The following CLIP4 variants were observed in gnomAD, a reference collection of about 807,000 sequenced individuals.
The protein encoded by CLIP4 is CAP-Gly domain-containing linker protein 4.
A neutral mutation model predicts 73.1 loss-of-function variants in CLIP4; 47 were observed. The ratio of observed to expected loss-of-function variants is 0.64; its 90% CI spans 0.51 to 0.82. CLIP4 has a LOEUF of 0.82. CLIP4 is among the 40% of genes least tolerant of loss of function. The pLI, the probability that CLIP4 is intolerant of heterozygous loss-of-function variation, is 0.00. For missense variants in CLIP4, 874 were observed against 852.9 expected (o/e 1.02, Z -0.31); for synonymous variants, 306 against 295.4 (o/e 1.04, Z -0.37).
At chr2:29,164,777 C>A (rs1222870418) in intron 13 of CLIP4, among the ~76,000 whole-genome samples, 1 of 152,148 alleles carries the variant, frequency 6.6e-6, no homozygotes, top group Non-Finnish European at 1.5e-5. Flanking sequence ...AGTTTTACAT[C>A]CATTTCTCCC....
In CLIP4 at chr2:29,121,507, T is replaced by C; in HGVS notation, c.119T>C (p.Met40Thr). The C allele has an allele frequency of 1.2e-6, 2 of 1,613,686 alleles. No homozygotes were observed. Among genetic ancestry groups the C allele is most frequent in the South Asian group, 1.1e-5 (1 of 91,028 alleles). ...ATCTTTTCCATTTCTGCAGCACCAA[T>C]GCCTTCAGACTGTGGTATGTGAAGT... is the stretch of plus-strand genomic sequence containing the variant. The part of the protein sequence containing the change: ...PVIFSISAAP[M>T]PSDCEFSFFD... The change falls in exon 2 of 16, where the codon ATG (methionine) becomes ACG (threonine). Residue 40 changes from methionine to threonine, a missense_variant. Physicochemically the swap from Met to Thr is moderately conservative, Grantham distance 81. Coordinates refer to ENST00000320081, the MANE Select transcript of CLIP4 (RefSeq NM_024692.6).
At chr2:29,151,832 A>G (rs1331482791) in intron 8 of CLIP4, among the ~76,000 whole-genome samples, 1 of 152,054 alleles carries the variant, frequency 6.6e-6, no homozygotes, top group African/African-American at 2.4e-5. Flanking sequence ...TATAGTCTGT[A>G]TTCACTATCT....
chr2:29,121,359 T>TC lies in CLIP4; in HGVS notation c.-15-14dup. 6.4e-7 allele frequency: 1 copy of TC among 1,573,186 alleles called. No homozygotes were observed. The highest frequency in any genetic ancestry group is 8.6e-7 in the Non-Finnish European group (1 of 1,166,834). ...AAATAAAGTAGAAACACTTTTTTTTTCTTTCTTATTATAGGTGGCTTTCTA... is the reference window on the plus strand; with the variant it reads ...AAATAAAGTAGAAACACTTTTTTTTTCCTTTCTTATTATAGGTGGCTTTCTA... On this transcript the variant is annotated splice_polypyrimidine_tract_variant and intron_variant, in intron 1 of 15. Transcript: ENST00000320081.
Position 29,132,185 on chromosome 2 carries a change from G to A in CLIP4, c.307G>A (p.Asp103Asn), listed in dbSNP as rs949776287. 2 of 1,613,756 alleles carry A rather than the reference G, an allele frequency of 1.2e-6. No homozygotes were observed. The highest frequency in any genetic ancestry group is 1.7e-6 in the Non-Finnish European group (2 of 1,179,856). ...GAGAGGTTGCAATGTGAATGATAGA[G>A]ATGGATTGACAGATATGACTCTTTT... ...LKRGCNVNDR[D>N]GLTDMTLLHY... Residue 103 changes from aspartate to asparagine, a missense_variant, in exon 4 of 16, where the codon GAT (aspartate) becomes AAT (asparagine). Asp to Asn is a conservative substitution (Grantham distance 23). Transcript: ENST00000320081.
intron 2 of CLIP4, among the ~76,000 whole-genome samples, chr2:29,124,879 G>T (rs1267254855): frequency 6.6e-6 from 1 of 152,060 alleles, no homozygotes; most frequent in East Asian, 1.9e-4. Context: ...TAATATCCAT[G>T]TCAACTCTAG....
chr2:29,156,377 A>G lies in CLIP4; in HGVS notation c.1189A>G (p.Ser397Gly). The change falls in exon 10 of 16, where the codon AGT (serine) becomes GGT (glycine). Residue 397 changes from serine (S) to glycine (G), a missense_variant. By Grantham distance (56) the Ser-to-Gly change is moderately conservative. Coordinates refer to ENST00000320081, the MANE Select transcript of CLIP4 (RefSeq NM_024692.6). ...NTGLMTSKKD[S>G]ASESTLSLPP... ...AGGATTAATGACATCAAAAAAAGAT[A>G]GTGCTTCTGAGTCAACACTTTCATT... The G allele has an allele frequency of 6.3e-7, 1 of 1,579,966 alleles. No homozygotes were observed. Among genetic ancestry groups the G allele is most frequent in the Non-Finnish European group, 8.5e-7 (1 of 1,171,506 alleles).
intron 6 of CLIP4, among the ~76,000 whole-genome samples, chr2:29,141,589 C>T (rs1454225929): frequency 1.3e-5 from 2 of 152,050 alleles, no homozygotes; most frequent in Admixed American, 6.6e-5. Flanking sequence ...CTACTTTGTC[C>T]CTCTTGACTG....
rs756452242 is a variant in CLIP4, at chr2:29,160,473, T to G, written c.1534+6T>G. On this transcript the variant is annotated splice_donor_region_variant and intron_variant, in intron 12 of 15. Transcript: ENST00000320081. ...GACAACAAACTTCGCTCCAGGTAAC[T>G]CATCTGCATATTTTCTTAACTTGAA... 1.4e-5 allele frequency: 23 copies of G among 1,613,464 alleles called. 1 individual carries two copies. The South Asian group carries it at 2.4e-4, about 17-fold the overall frequency.
intron 1 of CLIP4, among the ~76,000 whole-genome samples, chr2:29,099,318 A>G (rs1250777530): frequency 6.6e-6 from 1 of 152,232 alleles, no homozygotes; most frequent in East Asian, 1.9e-4. Flanking sequence ...TCTTCTAGAT[A>G]GATGTTTTAT....
At chr2:29,138,043 C>T (rs994916932) in intron 6 of CLIP4, among the ~76,000 whole-genome samples, 1 of 152,066 alleles carries the variant, frequency 6.6e-6, no homozygotes, top group African/African-American at 2.4e-5. Context: ...GTTTTTGTTG[C>T]CTTCGCTTTT....
chr2:29,132,376 G>A, intron 4 of CLIP4, 131 bp downstream of exon 4: 1 of 728,806 alleles, frequency 1.4e-6, no homozygotes, highest in Non-Finnish European at 2.3e-6. Flanking sequence ...GAAGAGCTGA[G>A]GATTCAGTTA....
At position 29,183,530 on chromosome 2, in the gene CLIP4, T is replaced by C. The variant is rs1162771366; in HGVS notation, c.*1637T>C. On this transcript the variant is annotated 3_prime_UTR_variant, in exon 16 of 16. Transcript: ENST00000320081. ...ACTCTATTTATACCTTAACATGAAATCCATGACCACACCAAACTTGGTTAT... is the reference window on the plus strand; with the variant it reads ...ACTCTATTTATACCTTAACATGAAACCCATGACCACACCAAACTTGGTTAT... 2 of 152,658 alleles carry C rather than the reference T, an allele frequency of 1.3e-5. No homozygotes were observed. Among genetic ancestry groups the C allele is most frequent in the Non-Finnish European group, 2.9e-5 (2 of 68,028 alleles). 9.5% of individuals were successfully genotyped at this position (152,658 alleles called of 1,614,324 possible).
At chr2:29,121,560 AACTTG>A (rs958245137) in intron 2 of CLIP4, 39 bp downstream of exon 2, 15 of 1,604,938 alleles carry the variant, frequency 9.3e-6, no homozygotes, top group African/African-American at 5.4e-5. Flanking sequence ...GTGAACTGGT[AACTTG>A]ACTTCTCTGT....
intron 1 of CLIP4, among the ~76,000 whole-genome samples, chr2:29,100,296 C>A (rs1047927855): frequency 6.6e-6 from 1 of 151,880 alleles, no homozygotes; most frequent in South Asian, 2.1e-4. Context: ...TCATTGATTT[C>A]TTCTGTCTCT....
chr2:29,156,226 A>G, intron 9 of CLIP4, 128 bp from the exon 10 acceptor site: 2 of 602,670 alleles, frequency 3.3e-6, no homozygotes, highest in East Asian at 3.1e-5. Context: ...ATGTCTGTGC[A>G]GTTGTTATCC....
chr2:29,116,163 C>G (rs1282198715), intron 1 of CLIP4, among the ~76,000 whole-genome samples: 1 of 152,218 alleles, frequency 6.6e-6, no homozygotes, highest in Non-Finnish European at 1.5e-5. Flanking sequence ...TACCTGAGAT[C>G]CCTTAATTCT....
At chr2:29,166,268 A>G (rs1667609335) in intron 13 of CLIP4, among the ~76,000 whole-genome samples, 1 of 152,092 alleles carries the variant, frequency 6.6e-6, no homozygotes, top group Non-Finnish European at 1.5e-5. Flanking sequence ...GTGTCCAGTC[A>G]CAATCACACC....
At chr2:29,152,545 A>G (rs1558556756) in intron 8 of CLIP4, 140 bp from the exon 9 acceptor site, 2 of 776,300 alleles carry the variant, frequency 2.6e-6, no homozygotes, top group African/African-American at 1.8e-5. Context: ...TGTGTCTTAC[A>G]TTTTTTTTCC....
chr2:29,157,312 G>A lies in CLIP4; in HGVS notation c.1364G>A (p.Ser455Asn). Residue 455 changes from serine (S) to asparagine (N), a missense_variant, in exon 11 of 16, where the codon AGC becomes AAC. Ser to Asn is a conservative substitution (Grantham distance 46, BLOSUM62 1). Transcript: ENST00000320081. ...NAISSNKKTM[S>N]KSPSLSSRAS... ...ATCAGCAGTAACAAGAAGACAATGAGCAAAAGCCCTTCCCTTTCATCCAGA... is the reference window on the plus strand; with the variant it reads ...ATCAGCAGTAACAAGAAGACAATGAACAAAAGCCCTTCCCTTTCATCCAGA... 1 of 1,614,078 alleles carries A rather than the reference G, an allele frequency of 6.2e-7. No individual in the cohort carries two copies.
Sources: allele counts gnomAD v4.1 joint callset (sites outside exome capture counted in the v4.1 genomes callset), GRCh38; gene constraint gnomAD v4.1.1; transcripts MANE v1.5; gene names NCBI Gene and HGNC (gene_info 2026-07-23, HGNC 2026-07-21).